Variants in RET observed in about 807,000 individuals in gnomAD.
The protein encoded by RET is ret proto-oncogene, also known as proto-oncogene tyrosine-protein kinase receptor Ret.
Under a neutral mutation model 118.3 loss-of-function variants are expected in RET, and 19 were observed. The observed-to-expected ratio is 0.16, with a 90% CI of 0.11 to 0.24. The LOEUF is 0.24. RET is among the 10% of genes least tolerant of loss of function. RET has a pLI of 1.00. For synonymous variants in RET, 597 were observed against 644.1 expected, an observed-to-expected ratio of 0.93 and a Z score of 1.11; for missense variants, 1,219 against 1,502.1, an observed-to-expected ratio of 0.81 and a Z score of 3.12.
chr10:43,092,001 A>G (rs1212860345), intron 1 of RET, among the ~76,000 whole-genome samples: 2 of 152,218 alleles, frequency 1.3e-5, no homozygotes, highest in Admixed American at 1.3e-4. Context: ...CATACAGGAA[A>G]GGAAGCAGGA....
rs570282593 is a variant in RET at position 43,106,276 on chromosome 10, A to G, written c.868-100A>G. The stretch of plus-strand genomic sequence containing the variant: ...CTGACAACACACATCTGGTCCACCT[A>G]TGGGCTGTGTGGGACGTGCAGCATT... On this transcript the variant is annotated intron_variant, in intron 4 of 19. Coordinates refer to ENST00000355710, the MANE Select transcript of RET (RefSeq NM_020975.6). The surrounding 1 kb of genome is among the most constrained non-coding windows in gnomAD (Gnocchi z 5.1). 141 of 1,174,718 alleles carry G rather than the reference A, an allele frequency of 1.2e-4. No homozygotes were observed. The highest frequency in any genetic ancestry group is 9.4e-4 in the South Asian group (73 of 77,842). The allele number at this position is 1,174,718 out of a possible 1,614,324, so 72.8% of individuals were successfully genotyped here. A position where few individuals can be genotyped will look rare whatever the true frequency, so the allele number is the denominator to read the frequency against.
chr10:43,091,253 C>A (rs530238681), intron 1 of RET, among the ~76,000 whole-genome samples: 4 of 152,306 alleles, frequency 2.6e-5, no homozygotes, highest in African/African-American at 4.8e-5. Context: ...ACTTGTAATT[C>A]ATAGATCTGA....
intron 18 of RET, 67 bp downstream of exon 18, chr10:43,125,049 G>A (rs1185451846): frequency 6.8e-7 from 1 of 1,475,758 alleles, no homozygotes; most frequent in Non-Finnish European, 9.5e-7. Context: ...TCACCCCAGG[G>A]CAGTAGTTTT....
intron 19 of RET, chr10:43,126,985 G>GAA: frequency 7.2e-7 from 1 of 1,387,748 alleles, no homozygotes; most frequent in Non-Finnish European, 9.3e-7. Flanking sequence ...AAACAGATCA[G>GAA]GGCGGAACTC....
intron 10 of RET, 89 bp downstream of exon 10, chr10:43,113,764 T>G: frequency 6.4e-7 from 1 of 1,561,500 alleles, no homozygotes; most frequent in South Asian, 1.2e-5. Flanking sequence ...GGGAGGAAAT[T>G]GCTGGGAGGC....
intron 14 of RET, 44 bp downstream of exon 14, chr10:43,119,789 A>T (rs1564498888): frequency 6.3e-7 from 1 of 1,592,502 alleles, no homozygotes; most frequent in East Asian, 2.2e-5. Flanking sequence ...CGGCCAGGCC[A>T]CACCCTGACC....
intron 12 of RET, among the ~76,000 whole-genome samples, chr10:43,118,101 AT>A (rs1838114550): frequency 6.6e-6 from 1 of 152,188 alleles, no homozygotes; most frequent in Non-Finnish European, 1.5e-5. Flanking sequence ...CAGGAACATA[AT>A]GCCACATACA....
intron 12 of RET, among the ~76,000 whole-genome samples, chr10:43,118,063 G>A (rs1838113579): frequency 6.6e-6 from 1 of 152,192 alleles, no homozygotes; most frequent in Admixed American, 6.5e-5. Context: ...AATTTCTGTG[G>A]ACGACTGTCT....
intron 18 of RET, 70 bp from the exon 19 acceptor site, chr10:43,126,505 C>T (rs1460237414): frequency 1.5e-6 from 2 of 1,365,308 alleles, no homozygotes; most frequent in Non-Finnish European, 2.1e-6. Flanking sequence ...CTGAGGATGG[C>T]TTGTTGTATA....
chr10:43,104,813 C>A, intron 3 of RET, 139 bp from the exon 4 acceptor site: 1 of 1,301,210 alleles, frequency 7.7e-7, no homozygotes, highest in South Asian at 1.4e-5. Flanking sequence ...GCTGCCCTCC[C>A]CTGTGGAGCG....
At chr10:43,116,439 C>A (rs1400603583) in intron 11 of RET, 145 bp from the exon 12 acceptor site, 2 of 995,582 alleles carry the variant, frequency 2.0e-6, no homozygotes, top group South Asian at 2.8e-5. Flanking sequence ...AGACAGGCAG[C>A]GTTGCCGCTG....
At chr10:43,116,857 G>A in intron 12 of RET, 126 bp downstream of exon 12, 1 of 1,235,560 alleles carries the variant, frequency 8.1e-7, no homozygotes, top group Non-Finnish European at 1.1e-6. Flanking sequence ...GCTGCAGTTG[G>A]GGGACCCCTA....
At position 43,126,745 on chromosome 10, in the gene RET, T is replaced by C. The variant is rs771946481; in HGVS notation, c.3187+23T>C. 9 of 1,613,258 alleles carry C rather than the reference T, an allele frequency of 5.6e-6. No individual in the cohort carries two copies. The East Asian group carries it at 2.0e-4, about 36-fold the overall frequency. On this transcript the variant is annotated intron_variant, in intron 19 of 19. Transcript: ENST00000355710. ...ATGGTAGAATTTCCCATGCATTTAC[T>C]AGATTCTAGCACCGCTGTCCCCTTT... is the stretch of plus-strand genomic sequence containing the variant.
rs375573788 is a variant in RET at position 43,113,688 on chromosome 10, C to T, written c.1879+13C>T. The T allele has an allele frequency of 2.1e-4, 341 of 1,612,328 alleles. 1 individual carries two copies. The highest frequency in any genetic ancestry group is 9.9e-4 in the Middle Eastern group (6 of 6,058). ...GAAGACATCCAGGGTGAGTGGGTGG[C>T]GGCCGGGACCACCACCACCTCCCAG... On this transcript the variant is annotated intron_variant, in intron 10 of 19. Transcript: ENST00000355710.
intron 1 of RET, among the ~76,000 whole-genome samples, chr10:43,087,206 G>A (rs1837308064): frequency 6.6e-6 from 1 of 152,222 alleles, no homozygotes; most frequent in South Asian, 2.1e-4. Flanking sequence ...GTGCCTCCCA[G>A]GCCAGGGCCG....
At chr10:43,096,008 G>T (rs1452837097) in intron 1 of RET, among the ~76,000 whole-genome samples, 1 of 152,176 alleles carries the variant, frequency 6.6e-6, no homozygotes, top group Non-Finnish European at 1.5e-5. Context: ...TGTGGTGTGT[G>T]CCAGGCCACC....
rs1282483080 is a variant in RET, at chr10:43,112,240, G to A, written c.1648+16G>A. The A allele has an allele frequency of 9.0e-6, 14 of 1,551,488 alleles. No individual in the cohort carries two copies. The highest frequency in any genetic ancestry group is 5.5e-5 in the African/African-American group (4 of 73,088). Reference sequence around the variant, plus strand: ...GATGGCAAAGGTAAGCCCTGGAAACGCCCAAGGGAGGCCTGCAGGGGCGAT... The same window carrying A: ...GATGGCAAAGGTAAGCCCTGGAAACACCCAAGGGAGGCCTGCAGGGGCGAT... On this transcript the variant is annotated intron_variant, in intron 8 of 19. Coordinates refer to ENST00000355710, the MANE Select transcript of RET (RefSeq NM_020975.6).
rs1254199768 is a variant in RET, at chr10:43,114,930, C to G, written c.2136+194C>G. Among the ~76,000 whole-genome samples, 1 of 152,106 alleles carries G rather than the reference C, an allele frequency of 6.6e-6. No individual in the cohort carries two copies. The highest frequency in any genetic ancestry group is 6.5e-5 in the Admixed American group (1 of 15,278). On this transcript the variant is annotated intron_variant, in intron 11 of 19. Transcript: ENST00000355710. The surrounding 1 kb of genome is among the most constrained non-coding windows in gnomAD (Gnocchi z 4.6). ...GTGGGGTGGGACTGTGATGAGGTGC[C>G]GTTCCCATCTAGGTGAGAGGCAGTG...
Position 43,123,868 on chromosome 10 carries a change from A to G in RET, c.2939+60A>G, listed in dbSNP as rs72781242. 6.2e-3 allele frequency: 9,933 copies of G among 1,609,502 alleles called. 53 individuals carry two copies. The highest frequency in any genetic ancestry group is 6.5e-3 in the Non-Finnish European group (7,611 of 1,177,298). ...GGGAAGGGAGGGGACATCTGTGTGC[A>G]TTCCCTCCCCATCCAGAGCAGCCCC... On this transcript the variant is annotated intron_variant, in intron 17 of 19. Transcript: ENST00000355710.
Sources: allele counts gnomAD v4.1 joint callset (sites outside exome capture counted in the v4.1 genomes callset), GRCh38; gene constraint gnomAD v4.1.1; non-coding constraint Gnocchi (gnomAD v3.1); transcripts MANE v1.5; gene names NCBI Gene and HGNC (gene_info 2026-07-23, HGNC 2026-07-21).